Variants in KLHL14 observed in about 807,000 individuals in gnomAD.
KLHL14 encodes the protein kelch like family member 14.
KLHL14 carries 22 observed loss-of-function variants against 64.3 expected under a neutral mutation model. The observed-to-expected ratio is 0.34, with a 90% CI of 0.24 to 0.49. The LOEUF is 0.49. Among genes scored for constraint, KLHL14 ranks in the 20% least tolerant of loss-of-function variants. The pLI is 0.99. For synonymous variants in KLHL14, 322 were observed against 333.4 expected, an observed-to-expected ratio of 0.97 and a Z score of 0.37; for missense variants, 661 against 789.0, an observed-to-expected ratio of 0.84 and a Z score of 1.94.
At chr18:32,755,902 AG>A (rs2050279229) in intron 2 of KLHL14, among the ~76,000 whole-genome samples, 1 of 152,218 alleles carries the variant, frequency 6.6e-6, no homozygotes, top group African/African-American at 2.4e-5. Context: ...TTACTGGAAG[AG>A]CTATTTATAC....
At chr18:32,767,190 G>A (rs1021369351) in intron 2 of KLHL14, among the ~76,000 whole-genome samples, 1 of 152,130 alleles carries the variant, frequency 6.6e-6, no homozygotes, top group African/African-American at 2.4e-5. Flanking sequence ...AAGGCTAAGG[G>A]AACATTTTTA....
At chr18:32,693,702 G>A (rs940307824) in intron 4 of KLHL14, among the ~76,000 whole-genome samples, 2 of 152,226 alleles carry the variant, frequency 1.3e-5, no homozygotes, top group South Asian at 2.1e-4. Flanking sequence ...GGTAAATGCC[G>A]TTGTGTGCTG....
intron 2 of KLHL14, among the ~76,000 whole-genome samples, chr18:32,756,818 T>C (rs2050284526): frequency 6.6e-6 from 1 of 152,214 alleles, no homozygotes; most frequent in African/African-American, 2.4e-5. Context: ...ATTAGATACC[T>C]TCTCTACATG....
intron 3 of KLHL14, chr18:32,737,333 C>T (rs569728070): frequency 1.3e-5 from 2 of 152,196 alleles, no homozygotes; most frequent in Admixed American, 6.5e-5. Flanking sequence ...TTTTACTTTC[C>T]TCCCTTTATA....
chr18:32,752,030 G>A (rs902966428), intron 2 of KLHL14, among the ~76,000 whole-genome samples: 3 of 152,170 alleles, frequency 2.0e-5, no homozygotes, highest in African/African-American at 7.2e-5. Flanking sequence ...AGGAGGCTGA[G>A]GCGGGAGAAT....
intron 3 of KLHL14, among the ~76,000 whole-genome samples, chr18:32,700,240 G>A (rs766860192): frequency 6.6e-6 from 1 of 152,118 alleles, no homozygotes; most frequent in Non-Finnish European, 1.5e-5. Flanking sequence ...GTTATTGAAT[G>A]TTTATCAATT....
At chr18:32,707,707 A>AT (rs750256019) in intron 3 of KLHL14, among the ~76,000 whole-genome samples, 88 of 152,274 alleles carry the variant, frequency 5.8e-4, no homozygotes, top group Non-Finnish European at 9.1e-4. Context: ...TCACCATTCG[A>AT]TGCTGGAAAT....
At position 32,749,934 on chromosome 18, in the gene KLHL14, A is replaced by G. The variant is rs571842864; in HGVS notation, c.948-7885T>C. Among the ~76,000 whole-genome samples, 10 of 152,188 alleles carry G rather than the reference A, an allele frequency of 6.6e-5. No homozygotes were observed. The East Asian group carries it at 1.9e-3, about 30-fold the overall frequency. ...CTTGAACAACAGAAAATTATTTCTC[A>G]TAGTTTTGGAGGCTGAAAAGTGGAA... On this transcript the variant is annotated intron_variant, in intron 2 of 8. Transcript: ENST00000359358.
chr18:32,734,202 G>T lies in KLHL14; in HGVS notation c.1069+7726C>A, dbSNP rs569253689. ...TTTTCCTCCTTCTGAACTCTGGTGA[G>T]CTTGCACTTTCCTGCTTCCCTGAAA... is the stretch of plus-strand genomic sequence containing the variant. On this transcript the variant is annotated intron_variant, in intron 3 of 8. Coordinates refer to ENST00000359358, the MANE Select transcript of KLHL14 (RefSeq NM_020805.3). 1,271 of 702,886 alleles carry T rather than the reference G, an allele frequency of 1.8e-3. 6 individuals are homozygous for T. Among genetic ancestry groups the T allele is most frequent in the Admixed American group, 3.0e-3 (152 of 50,006 alleles). The allele number at this position is 702,886 out of a possible 1,614,324, so 43.5% of individuals were successfully genotyped here. A position where few individuals can be genotyped will look rare whatever the true frequency, so the allele number is the denominator to read the frequency against.
At chr18:32,727,070 C>T (rs560473689) in intron 3 of KLHL14, among the ~76,000 whole-genome samples, 1 of 152,286 alleles carries the variant, frequency 6.6e-6, no homozygotes, top group Non-Finnish European at 1.5e-5. Flanking sequence ...GAGTGAACTC[C>T]CAACCTTAGC....
At chr18:32,752,192 C>T (rs2050256965) in intron 2 of KLHL14, among the ~76,000 whole-genome samples, 1 of 152,056 alleles carries the variant, frequency 6.6e-6, no homozygotes, top group Non-Finnish European at 1.5e-5. Flanking sequence ...GACTAAAAGC[C>T]CCATAAGCCC....
intron 8 of KLHL14, among the ~76,000 whole-genome samples, chr18:32,676,345 G>T (rs553987922): frequency 2.0e-5 from 3 of 152,080 alleles, no homozygotes; most frequent in Non-Finnish European, 4.4e-5. Flanking sequence ...AAGAGTCAGG[G>T]TAATGTTCTA....
chr18:32,705,639 C>T (rs1195880322), intron 3 of KLHL14, among the ~76,000 whole-genome samples: 1 of 152,160 alleles, frequency 6.6e-6, no homozygotes, highest in Admixed American at 6.5e-5. Flanking sequence ...AGGAGAATCA[C>T]TTGAACCTGT....
chr18:32,729,814 T>C (rs990186459), intron 3 of KLHL14, among the ~76,000 whole-genome samples: 1 of 152,212 alleles, frequency 6.6e-6, no homozygotes, highest in African/African-American at 2.4e-5. Context: ...GTAGGACTTA[T>C]ATCTTTTCAT....
chr18:32,706,768 T>C (rs1050639934), intron 3 of KLHL14, among the ~76,000 whole-genome samples: 6 of 152,198 alleles, frequency 3.9e-5, no homozygotes, highest in Admixed American at 2.0e-4. Context: ...TTTCCATCAA[T>C]AAGAGAAAAT....
intron 2 of KLHL14, among the ~76,000 whole-genome samples, chr18:32,747,297 G>T (rs745942674): frequency 1.3e-5 from 2 of 152,044 alleles, no homozygotes; most frequent in African/African-American, 4.8e-5. Context: ...TACATTTATT[G>T]TGCACTTTAT....
At chr18:32,710,638 G>A (rs569401028) in intron 3 of KLHL14, among the ~76,000 whole-genome samples, 14 of 152,118 alleles carry the variant, frequency 9.2e-5, no homozygotes, top group Admixed American at 2.0e-4. Flanking sequence ...AACATAAAAC[G>A]GACTGTAGTT....
intron 3 of KLHL14, among the ~76,000 whole-genome samples, chr18:32,701,210 C>T (rs2049964805): frequency 6.6e-6 from 1 of 152,148 alleles, no homozygotes; most frequent in South Asian, 2.1e-4. Context: ...ATGCAGACAC[C>T]TTTCTGGTTG....
chr18:32,677,517 T>C (rs1337178544), intron 7 of KLHL14, among the ~76,000 whole-genome samples, 187 bp from the exon 8 acceptor site: 2 of 152,200 alleles, frequency 1.3e-5, no homozygotes, highest in Non-Finnish European at 2.9e-5. Flanking sequence ...AAAGAAACTC[T>C]AGTTGTTTTA....
Sources: gnomAD v4.1 joint callset for allele counts (sites outside exome capture counted in the v4.1 genomes callset) on GRCh38, gnomAD v4.1.1 for gene constraint, MANE v1.5 for transcripts, NCBI Gene and HGNC (gene_info 2026-07-23, HGNC 2026-07-21) for gene names.